Variants in MALRD1 observed in about 807,000 individuals in gnomAD.
MALRD1 encodes the protein MAM and LDL-receptor class A domain-containing protein 1.
In MALRD1, 247 loss-of-function variants were observed where a neutral mutation model predicts 242.1. The observed-to-expected ratio is 1.02, with a 90% confidence interval of 0.92 to 1.13. The LOEUF (loss-of-function observed/expected upper bound fraction) is 1.13. Ranked by LOEUF, MALRD1 falls within the 50% of genes most tolerant of loss-of-function variation. The probability of loss-of-function intolerance (pLI) is 0.00; values close to 1 mark genes in which losing one functional copy is unlikely to be tolerated. For missense variants in MALRD1, 2,989 were observed against 2,533.1 expected (o/e 1.18, Z -3.86); for synonymous variants, 995 against 866.6 (o/e 1.15, Z -2.60).
At chr10:19,699,182 G>A (rs1833506068) in intron 38 of MALRD1, among the ~76,000 whole-genome samples, 2 of 150,544 alleles carry the variant, frequency 1.3e-5, no homozygotes, top group Non-Finnish European at 2.9e-5. Context: ...ACGTTCTGCA[G>A]ATGTATCCCA....
intron 36 of MALRD1, among the ~76,000 whole-genome samples, chr10:19,659,891 T>C (rs1841341041): frequency 6.6e-6 from 1 of 152,100 alleles, no homozygotes; most frequent in Admixed American, 6.6e-5. Flanking sequence ...TCCCCTGATT[T>C]GCTGAACTGG....
At chr10:19,429,958 C>A (rs953413445) in intron 28 of MALRD1, among the ~76,000 whole-genome samples, 21 of 152,118 alleles carry the variant, frequency 1.4e-4, no homozygotes, top group South Asian at 2.1e-4. Context: ...GGCCAATGTA[C>A]CCAGTCATTA....
At chr10:19,378,207 A>G (rs1244722806) in intron 26 of MALRD1, among the ~76,000 whole-genome samples, 1 of 152,112 alleles carries the variant, frequency 6.6e-6, no homozygotes, top group Non-Finnish European at 1.5e-5. Context: ...AGCTTAAACA[A>G]TATGTATTCA....
chr10:19,163,137 T>TAAAAA lies in MALRD1; in HGVS notation c.1657-2476_1657-2472dup, dbSNP rs58034381. Among the ~76,000 whole-genome samples, 15 of 43,852 alleles carry TAAAAA rather than the reference T, an allele frequency of 3.4e-4. 1 individual carries two copies. Among genetic ancestry groups the TAAAAA allele is most frequent in the East Asian group, 9.9e-4 (1 of 1,010 alleles). 28.8% of individuals were successfully genotyped at this position (43,852 alleles called of 152,430 possible). A position where few individuals can be genotyped will look rare whatever the true frequency, so the allele number is the denominator to read the frequency against. ...TGAACAACTGGAGTGAAACCCTGTCTAAAAAAAAAAAAAAAAAAAAAAAAA... is the reference window on the plus strand; with the variant it reads ...TGAACAACTGGAGTGAAACCCTGTCTAAAAAAAAAAAAAAAAAAAAAAAAAAAAAA... On this transcript the variant is annotated intron_variant, in intron 12 of 39. Coordinates refer to ENST00000454679, the MANE Select transcript of MALRD1 (RefSeq NM_001142308.3).
At chr10:19,678,210 T>C (rs879927358) in intron 36 of MALRD1, among the ~76,000 whole-genome samples, 16 of 152,154 alleles carry the variant, frequency 1.1e-4, no homozygotes, top group African/African-American at 3.4e-4. Context: ...GTGAAGAATG[T>C]CAGTAGTCAT....
intron 14 of MALRD1, among the ~76,000 whole-genome samples, chr10:19,202,576 T>C (rs1836585985): frequency 6.6e-6 from 1 of 152,184 alleles, no homozygotes; most frequent in South Asian, 2.1e-4. Context: ...TGATTTAGTT[T>C]ACACTTTTTT....
At chr10:19,123,411 A>G in intron 5 of MALRD1, 81 bp from the exon 6 acceptor site, 1 of 733,364 alleles carries the variant, frequency 1.4e-6, no homozygotes, top group Non-Finnish European at 1.9e-6. Flanking sequence ...TTGTAGAATG[A>G]ATATTAACAT....
At chr10:19,073,401 A>G (rs1170033905) in intron 2 of MALRD1, among the ~76,000 whole-genome samples, 1 of 152,114 alleles carries the variant, frequency 6.6e-6, no homozygotes, top group Non-Finnish European at 1.5e-5. Context: ...TAAGATAATA[A>G]AGACTGCAGG....
chr10:19,183,413 A>G (rs1247115495), intron 14 of MALRD1, among the ~76,000 whole-genome samples: 4 of 152,164 alleles, frequency 2.6e-5, no homozygotes, highest in Non-Finnish European at 5.9e-5. Context: ...AATTGCTTGA[A>G]AAAACAGGGG....
intron 31 of MALRD1, among the ~76,000 whole-genome samples, chr10:19,504,883 C>T (rs184671148): frequency 0.033 from 4,948 of 151,074 alleles, 122 homozygotes; most frequent in Middle Eastern, 0.068. Context: ...GGGGTTTCAC[C>T]TTGTTAGCCA....
chr10:19,338,415 T>A (rs1214177305), intron 24 of MALRD1, among the ~76,000 whole-genome samples: 1 of 148,404 alleles, frequency 6.7e-6, no homozygotes, highest in Non-Finnish European at 1.5e-5. Context: ...GTATTTGGAA[T>A]CATACAACAT....
At chr10:19,607,678 A>G (rs948264198) in intron 34 of MALRD1, 99 bp from the exon 35 acceptor site, 1 of 1,367,780 alleles carries the variant, frequency 7.3e-7, no homozygotes, top group Admixed American at 2.7e-5. Flanking sequence ...AATCAAGAGT[A>G]ATATAATAAA....
chr10:19,480,564 G>A (rs2131175493), intron 29 of MALRD1, among the ~76,000 whole-genome samples: 1 of 152,326 alleles, frequency 6.6e-6, no homozygotes, highest in African/African-American at 2.4e-5. Flanking sequence ...AGTAAATCCA[G>A]AATGGGAGGG....
chr10:19,658,921 AAG>A (rs1414862616), intron 36 of MALRD1, among the ~76,000 whole-genome samples: 1 of 152,220 alleles, frequency 6.6e-6, no homozygotes, highest in East Asian at 1.9e-4. Context: ...TTTTTTAAGA[AAG>A]AAATGAAAAA....
chr10:19,569,486 C>T (rs1345442161), intron 33 of MALRD1, among the ~76,000 whole-genome samples: 5 of 151,478 alleles, frequency 3.3e-5, no homozygotes, highest in Non-Finnish European at 7.4e-5. Flanking sequence ...AAAAAAAAAT[C>T]TCCATCTTCC....
chr10:19,703,548 A>G (rs1833714015), intron 38 of MALRD1, among the ~76,000 whole-genome samples: 1 of 152,246 alleles, frequency 6.6e-6, no homozygotes, highest in Admixed American at 6.5e-5. Context: ...AAGAGTTCAT[A>G]GTAAAAGAAG....
upstream of MALRD1, among the ~76,000 whole-genome samples, chr10:19,047,414 C>T (rs1442935634): frequency 6.6e-6 from 1 of 150,874 alleles, no homozygotes; most frequent in Non-Finnish European, 1.5e-5. Flanking sequence ...AAGTGCATAT[C>T]AGGATTGTAG....
chr10:19,669,639 G>A (rs1385099656), intron 36 of MALRD1, among the ~76,000 whole-genome samples: 1 of 152,090 alleles, frequency 6.6e-6, no homozygotes, highest in Non-Finnish European at 1.5e-5. Context: ...TAGCCATAAA[G>A]CCTAGAGAAC....
chr10:19,113,408 C>T (rs1836751608), intron 5 of MALRD1, among the ~76,000 whole-genome samples: 1 of 152,104 alleles, frequency 6.6e-6, no homozygotes, highest in Non-Finnish European at 1.5e-5. Context: ...CTCTTTTCCT[C>T]TGCCCGAAAG....
Sources: gnomAD v4.1 joint callset for allele counts (sites outside exome capture counted in the v4.1 genomes callset) on GRCh38, gnomAD v4.1.1 for gene constraint, MANE v1.5 for transcripts, NCBI Gene and HGNC (gene_info 2026-07-23, HGNC 2026-07-21) for gene names.